Variants in GRID2 observed in about 807,000 individuals in gnomAD.
GRID2 encodes glutamate receptor ionotropic, delta-2.
GRID2 carries 33 observed loss-of-function variants against 114.8 expected under a neutral mutation model. The ratio of observed to expected loss-of-function variants is 0.29; its 90% CI spans 0.22 to 0.38. The LOEUF is 0.38. Among genes scored for constraint, GRID2 ranks in the 10% least tolerant of loss-of-function variants. The pLI, the probability that GRID2 is intolerant of heterozygous loss-of-function variation, is 1.00. For missense variants in GRID2, 1,184 were observed against 1,257.7 expected (o/e 0.94, Z 0.89); for synonymous variants, 505 against 449.9 (o/e 1.12, Z -1.55).
At chr4:92,329,780 A>G (rs569628661) in intron 1 of GRID2, among the ~76,000 whole-genome samples, 1 of 152,166 alleles carries the variant, frequency 6.6e-6, no homozygotes, top group African/African-American at 2.4e-5. Context: ...CTATGAAGAA[A>G]AAACAGGAGC....
intron 1 of GRID2, among the ~76,000 whole-genome samples, chr4:93,791,267 A>C (rs1416516192): frequency 6.6e-6 from 1 of 152,234 alleles, no homozygotes; most frequent in African/African-American, 2.4e-5. Context: ...CACTGCATTT[A>C]AAAGCAGACT....
intron 2 of GRID2, among the ~76,000 whole-genome samples, chr4:92,632,284 G>T (rs573419137): frequency 6.6e-6 from 1 of 152,136 alleles, no homozygotes; most frequent in African/African-American, 2.4e-5. Flanking sequence ...TTTTTCCACT[G>T]AAATAGTTTT....
Position 93,160,228 on chromosome 4 carries a change from C to A in GRID2, c.736-47176C>A, listed in dbSNP as rs116388458. Among the ~76,000 whole-genome samples, 1,084 of 151,762 alleles carry A rather than the reference C, an allele frequency of 7.1e-3. 18 individuals are homozygous for A. Among genetic ancestry groups the A allele is most frequent in the African/African-American group, 0.025 (1,034 of 41,452 alleles). On this transcript the variant is annotated intron_variant, in intron 4 of 15. Transcript: ENST00000282020. ...ACAAGGAAACAAGAATTGTGAAACA[C>A]AGGTCATGATTATTAATTCCATAAA...
At chr4:93,128,436 T>C (rs2149371846) in intron 4 of GRID2, among the ~76,000 whole-genome samples, 1 of 152,280 alleles carries the variant, frequency 6.6e-6, no homozygotes, top group East Asian at 1.9e-4. Flanking sequence ...AAATTATTAT[T>C]GGAACTCCAG....
chr4:93,007,017 A>C (rs1721607341), intron 2 of GRID2, among the ~76,000 whole-genome samples: 1 of 152,032 alleles, frequency 6.6e-6, no homozygotes, highest in Admixed American at 6.6e-5. Context: ...GAAACAAAAA[A>C]TAGCAATGGA....
intron 3 of GRID2, among the ~76,000 whole-genome samples, chr4:93,106,895 T>G (rs1732289204): frequency 6.6e-6 from 1 of 152,170 alleles, no homozygotes; most frequent in Admixed American, 6.5e-5. Flanking sequence ...TCATGTTCTT[T>G]ACTAACAATA....
At position 92,896,899 on chromosome 4, in the gene GRID2, C is replaced by T. The variant is rs543474451; in HGVS notation, c.245-188096C>T. 5.3e-5 allele frequency among the ~76,000 whole-genome samples: 8 copies of T among 152,170 alleles called. No individual in the cohort carries two copies. The South Asian group carries it at 8.3e-4, about 16-fold the overall frequency. ...CTGGGATTACAGGTATGTGCGACGACGCCCGGCTAATTTTGTATTTTTAGT... is the reference window on the plus strand; with the variant it reads ...CTGGGATTACAGGTATGTGCGACGATGCCCGGCTAATTTTGTATTTTTAGT... On this transcript the variant is annotated intron_variant, in intron 2 of 15. Coordinates refer to ENST00000282020, the MANE Select transcript of GRID2 (RefSeq NM_001510.4).
chr4:93,147,169 T>G (rs886800898), intron 4 of GRID2, among the ~76,000 whole-genome samples: 4 of 152,174 alleles, frequency 2.6e-5, no homozygotes, highest in African/African-American at 9.6e-5. Flanking sequence ...AGAATAGACT[T>G]TTAAGTAAAA....
At chr4:93,689,018 A>T (rs1285900033) in intron 14 of GRID2, among the ~76,000 whole-genome samples, 2 of 152,026 alleles carry the variant, frequency 1.3e-5, no homozygotes, top group Non-Finnish European at 2.9e-5. Flanking sequence ...AGTGAGGTCC[A>T]TAGGATGACC....
chr4:93,765,054 G>A (rs1439550), intron 14 of GRID2, among the ~76,000 whole-genome samples: 134,912 of 152,198 alleles, frequency 0.89, 59,816 homozygotes, highest in East Asian at 0.95. Flanking sequence ...AAGATTGAAG[G>A]GAACATATCT....
At chr4:93,806,586 A>G (rs534851155) in intron 1 of GRID2, 6 of 152,214 alleles carry the variant, frequency 3.9e-5, no homozygotes, top group Non-Finnish European at 8.8e-5. Context: ...ATCAATCATC[A>G]TGCTCCACTT....
At chr4:92,314,858 T>TA (rs1382481775) in intron 1 of GRID2, among the ~76,000 whole-genome samples, 1 of 152,168 alleles carries the variant, frequency 6.6e-6, no homozygotes, top group Non-Finnish European at 1.5e-5. Context: ...GTGTAGTAAT[T>TA]ACAGGGCAAA....
At chr4:92,777,064 G>T (rs772391208) in intron 2 of GRID2, among the ~76,000 whole-genome samples, 2 of 151,392 alleles carry the variant, frequency 1.3e-5, no homozygotes, top group African/African-American at 4.9e-5. Flanking sequence ...TAAGTCCTCC[G>T]CTCATGGAAG....
At chr4:92,793,200 G>C (rs940451498) in intron 2 of GRID2, among the ~76,000 whole-genome samples, 1 of 151,576 alleles carries the variant, frequency 6.6e-6, no homozygotes, top group African/African-American at 2.4e-5. Context: ...GTACTACACT[G>C]CTTGTCACTT....
intron 4 of GRID2, among the ~76,000 whole-genome samples, chr4:93,136,859 T>G (rs909094106): frequency 6.6e-6 from 1 of 152,106 alleles, no homozygotes; most frequent in Non-Finnish European, 1.5e-5. Context: ...TAAAATACTA[T>G]CCAAATCTTA....
intron 8 of GRID2, among the ~76,000 whole-genome samples, chr4:93,292,790 C>T (rs2149149773): frequency 6.6e-6 from 1 of 152,296 alleles, no homozygotes; most frequent in South Asian, 2.1e-4. Context: ...TGCAAGTTCA[C>T]AAGTCCTTTC....
At chr4:92,850,670 C>G (rs1214252356) in intron 2 of GRID2, among the ~76,000 whole-genome samples, 1 of 151,818 alleles carries the variant, frequency 6.6e-6, no homozygotes, top group Non-Finnish European at 1.5e-5. Context: ...ATCTGAATTC[C>G]CAAATGATAG....
At chr4:93,576,407 T>C (rs1030295253) in intron 13 of GRID2, among the ~76,000 whole-genome samples, 1 of 152,084 alleles carries the variant, frequency 6.6e-6, no homozygotes, top group Non-Finnish European at 1.5e-5. Context: ...TGGGAAGAGA[T>C]TGAAGGGATT....
Position 93,802,254 on chromosome 4 carries a change from T to C in GRID2, c.222-4461T>C, listed in dbSNP as rs34769076. The stretch of plus-strand genomic sequence containing the variant: ...GCCAGGCAAAGTGTTGAATACAAAA[T>C]GAGTTCAGGCAACCCCAGGAGCTCT... On this transcript the variant is annotated intron_variant, in intron 1 of 1. Transcript: ENST00000637838. Among the ~76,000 whole-genome samples the C allele has an allele frequency of 2.0e-5, 3 of 152,172 alleles. No homozygotes were observed. The East Asian group carries it at 5.8e-4, about 29-fold the overall frequency.
Sources: gnomAD v4.1 joint callset for allele counts (sites outside exome capture counted in the v4.1 genomes callset) on GRCh38, gnomAD v4.1.1 for gene constraint, MANE v1.5 for transcripts, NCBI Gene and HGNC (gene_info 2026-07-23, HGNC 2026-07-21) for gene names.